Variants in MKLN1 observed in about 807,000 individuals in gnomAD.
MKLN1 encodes muskelin 1.
Under a neutral mutation model 99.0 loss-of-function variants are expected in MKLN1, and 18 were observed. The ratio of observed to expected loss-of-function variants is 0.18; its 90% CI spans 0.13 to 0.27. MKLN1 has a LOEUF of 0.27. Among genes scored for constraint, MKLN1 ranks in the 10% least tolerant of loss-of-function variants. The probability of loss-of-function intolerance (pLI) is 1.00; values close to 1 mark genes in which losing one functional copy is unlikely to be tolerated. For missense variants in MKLN1, 621 were observed against 875.9 expected, an observed-to-expected ratio of 0.71 and a Z score of 3.67; for synonymous variants, 288 against 293.2, an observed-to-expected ratio of 0.98 and a Z score of 0.18.
At chr7:131,237,782 T>C (rs1291905486) in intron 3 of MKLN1, among the ~76,000 whole-genome samples, 1 of 152,132 alleles carries the variant, frequency 6.6e-6, no homozygotes, top group Non-Finnish European at 1.5e-5. Context: ...GAAAAATAAT[T>C]GACACATGTT....
intron 3 of MKLN1, among the ~76,000 whole-genome samples, chr7:131,317,047 C>CAGG (rs1347234212): frequency 6.6e-6 from 1 of 151,748 alleles, no homozygotes; most frequent in Non-Finnish European, 1.5e-5. Flanking sequence ...GGATATTATC[C>CAGG]AGAACTTCCC....
At chr7:131,116,329 G>A (rs1201532376) in intron 1 of MKLN1, among the ~76,000 whole-genome samples, 1 of 152,014 alleles carries the variant, frequency 6.6e-6, no homozygotes, top group Admixed American at 6.6e-5. Context: ...TAAGATTTTG[G>A]AAGTGGAAGA....
intron 2 of MKLN1, among the ~76,000 whole-genome samples, chr7:131,375,709 T>C (rs932118669): frequency 6.6e-5 from 10 of 152,108 alleles, no homozygotes; most frequent in Admixed American, 3.9e-4. Flanking sequence ...ACATGGACTT[T>C]TACTTCTGTC....
intron 2 of MKLN1, among the ~76,000 whole-genome samples, chr7:131,197,632 G>T (rs1469847647): frequency 6.6e-6 from 1 of 151,836 alleles, no homozygotes; most frequent in Non-Finnish European, 1.5e-5. Context: ...GAGCATGCCT[G>T]ATAGTCATCC....
intron 3 of MKLN1, among the ~76,000 whole-genome samples, chr7:131,275,548 TATATATATATATATATA>T (rs1676225253): frequency 5.1e-5 from 1 of 19,720 alleles, no homozygotes; most frequent in African/African-American, 2.4e-4. Flanking sequence ...TATATATATA[TATATATATATATATATA>T]TATTTTTTTT....
At chr7:131,192,692 C>A (rs1378936219) in intron 2 of MKLN1, among the ~76,000 whole-genome samples, 4 of 151,734 alleles carry the variant, frequency 2.6e-5, no homozygotes, top group African/African-American at 9.7e-5. Flanking sequence ...CAGGCACCCA[C>A]CACCACGCCC....
chr7:131,192,864 A>G (rs1796588823), intron 2 of MKLN1, among the ~76,000 whole-genome samples: 2 of 152,024 alleles, frequency 1.3e-5, no homozygotes, highest in African/African-American at 2.4e-5. Flanking sequence ...TTAAAGCAAC[A>G]TTTGTCCTAT....
At chr7:131,458,959 G>C (rs769716779) in intron 12 of MKLN1, among the ~76,000 whole-genome samples, 4 of 152,098 alleles carry the variant, frequency 2.6e-5, no homozygotes, top group Admixed American at 6.6e-5. Context: ...TATAATAAAA[G>C]ACAGGTTAAC....
At chr7:131,273,838 G>A (rs1797922652) in intron 3 of MKLN1, among the ~76,000 whole-genome samples, 2 of 151,856 alleles carry the variant, frequency 1.3e-5, no homozygotes, top group African/African-American at 4.8e-5. Context: ...AAAACCCCTG[G>A]CTTCAAGTGA....
At chr7:131,220,745 T>C (rs10808254) in intron 3 of MKLN1, among the ~76,000 whole-genome samples, 103,725 of 151,932 alleles carry the variant, frequency 0.68, 36,960 homozygotes, top group East Asian at 0.81. Flanking sequence ...ACATCTTAAG[T>C]GATCCTTAAA....
intron 3 of MKLN1, among the ~76,000 whole-genome samples, chr7:131,229,446 G>T (rs1013758466): frequency 1.3e-5 from 2 of 152,154 alleles, no homozygotes; most frequent in East Asian, 3.8e-4. Context: ...AGGTAGAGGA[G>T]TTGTGGGGAC....
chr7:131,241,044 T>G (rs1797394130), intron 3 of MKLN1, among the ~76,000 whole-genome samples: 1 of 152,148 alleles, frequency 6.6e-6, no homozygotes, highest in Non-Finnish European at 1.5e-5. Flanking sequence ...AATAGATCCT[T>G]TCATACATAC....
Position 131,351,262 on chromosome 7 carries a change from AAAG to A in MKLN1, c.98+23276_98+23278del, listed in dbSNP as rs1161451561. 1.2e-4 allele frequency among the ~76,000 whole-genome samples: 18 copies of A among 151,842 alleles called. No individual in the cohort carries two copies. The East Asian group carries it at 1.6e-3, about 13-fold the overall frequency. ...GACCCTGTCTCTTTTAAAAAAACAA[AAAG>A]AAGAAGAAGAGTCTTCCCATCCTCT... On this transcript the variant is annotated intron_variant, in intron 1 of 17. Transcript: ENST00000352689.
chr7:131,379,370 A>G (rs1793768304), intron 2 of MKLN1, among the ~76,000 whole-genome samples: 1 of 152,252 alleles, frequency 6.6e-6, no homozygotes, highest in Non-Finnish European at 1.5e-5. Context: ...TAGAATTAAA[A>G]TTACTGAAAG....
intron 3 of MKLN1, chr7:131,242,875 T>C: frequency 4.5e-6 from 3 of 667,736 alleles, no homozygotes; most frequent in Non-Finnish European, 8.5e-6. Flanking sequence ...GACAAAACTG[T>C]CATCAATAAG....
intron 2 of MKLN1, among the ~76,000 whole-genome samples, chr7:131,178,806 G>A (rs1446212825): frequency 1.3e-5 from 2 of 152,092 alleles, no homozygotes; most frequent in Non-Finnish European, 2.9e-5. Flanking sequence ...TTTCTTAGAG[G>A]TGAATTCCTT....
intron 12 of MKLN1, among the ~76,000 whole-genome samples, chr7:131,458,480 A>G (rs1374639147): frequency 6.6e-6 from 1 of 152,214 alleles, no homozygotes; most frequent in African/African-American, 2.4e-5. Flanking sequence ...GGAAAATTGG[A>G]CACTATATAA....
chr7:131,432,737 C>T (rs537825769), intron 9 of MKLN1, among the ~76,000 whole-genome samples: 6 of 152,308 alleles, frequency 3.9e-5, no homozygotes, highest in African/African-American at 9.6e-5. Context: ...TGAGCCACCG[C>T]GCCTGGCCCT....
At chr7:131,309,529 C>T (rs1490241480) in intron 3 of MKLN1, among the ~76,000 whole-genome samples, 1 of 151,872 alleles carries the variant, frequency 6.6e-6, no homozygotes, top group African/African-American at 2.4e-5. Context: ...GAGTCTGCCT[C>T]AGACTCCCAA....
Sources: allele counts gnomAD v4.1 joint callset (sites outside exome capture counted in the v4.1 genomes callset), GRCh38; gene constraint gnomAD v4.1.1; transcripts MANE v1.5; gene names NCBI Gene and HGNC (gene_info 2026-07-23, HGNC 2026-07-21).